ALK: variants seen among roughly 807,000 people sequenced by gnomAD.
The protein encoded by ALK is ALK tyrosine kinase receptor.
ALK carries 74 observed loss-of-function variants against 163.1 expected under a neutral mutation model. The ratio of observed to expected loss-of-function variants is 0.45; its 90% CI spans 0.38 to 0.55. The LOEUF is 0.55. Among genes scored for constraint, ALK ranks in the 20% least tolerant of loss-of-function variants. The pLI is 0.00. For missense variants in ALK, 2,063 were observed against 2,105.3 expected, an observed-to-expected ratio of 0.98 and a Z score of 0.39; for synonymous variants, 960 against 843.2, an observed-to-expected ratio of 1.14 and a Z score of -2.40.
At chr2:29,681,752 T>C (rs1381689089) in intron 3 of ALK, among the ~76,000 whole-genome samples, 2 of 143,196 alleles carry the variant, frequency 1.4e-5, no homozygotes, top group Non-Finnish European at 3.1e-5. Flanking sequence ...CCTGGGCATG[T>C]ACATTACCCC....
At chr2:29,625,330 A>C (rs1032210069) in intron 3 of ALK, among the ~76,000 whole-genome samples, 1 of 152,242 alleles carries the variant, frequency 6.6e-6, no homozygotes. Context: ...CATAAGTAGA[A>C]GAAAGGAGGA....
chr2:29,801,145 C>T (rs1169430880), intron 1 of ALK, among the ~76,000 whole-genome samples: 1 of 152,168 alleles, frequency 6.6e-6, no homozygotes, highest in Admixed American at 6.5e-5. Flanking sequence ...CCCTACCTAG[C>T]TGATGGAGGA....
At chr2:29,828,264 CT>C (rs1337782363) in intron 1 of ALK, among the ~76,000 whole-genome samples, 3 of 152,146 alleles carry the variant, frequency 2.0e-5, no homozygotes, top group Admixed American at 6.5e-5. Context: ...TGGGCAAGGA[CT>C]TCATGTCTAA....
chr2:29,704,056 A>G (rs916687443), intron 2 of ALK, among the ~76,000 whole-genome samples: 4 of 152,186 alleles, frequency 2.6e-5, no homozygotes, highest in African/African-American at 9.7e-5. Context: ...TCTTAATGGC[A>G]TAGGAAAATG....
chr2:29,627,464 T>C (rs1676229819), intron 3 of ALK, among the ~76,000 whole-genome samples: 2 of 151,710 alleles, frequency 1.3e-5, no homozygotes, highest in African/African-American at 2.4e-5. Flanking sequence ...TGAAGATGAT[T>C]ACTGTGTTTA....
chr2:29,660,533 G>T (rs529128965), intron 3 of ALK, among the ~76,000 whole-genome samples: 1 of 152,154 alleles, frequency 6.6e-6, no homozygotes, highest in South Asian at 2.1e-4. Flanking sequence ...CTTTTTTAAA[G>T]GAGGGGAGTG....
intron 8 of ALK, among the ~76,000 whole-genome samples, chr2:29,304,493 T>TAAAAAAAAAAAAAA (rs70958256): frequency 1.6e-5 from 2 of 125,386 alleles, no homozygotes; most frequent in South Asian, 2.7e-4. Context: ...AGACTGTGTC[T>TAAAAAAAAAAAAAA]AAAAAAAAAA....
At chr2:29,563,884 C>T (rs1045767077) in intron 3 of ALK, among the ~76,000 whole-genome samples, 1 of 152,176 alleles carries the variant, frequency 6.6e-6, no homozygotes, top group Non-Finnish European at 1.5e-5. Flanking sequence ...TGTGGCCTGA[C>T]CAAGGGCAAA....
chr2:29,688,966 A>G (rs960635712), intron 3 of ALK, among the ~76,000 whole-genome samples: 3 of 152,182 alleles, frequency 2.0e-5, no homozygotes, highest in African/African-American at 7.2e-5. Context: ...GGTGCAGAGC[A>G]GGGACAATGG....
rs78123471 is a variant in ALK at position 29,358,741 on chromosome 2, G to A, written c.1282+24991C>T. On this transcript the variant is annotated intron_variant, in intron 5 of 28. Transcript: ENST00000389048. ...GTGGTCTCAGTGAGGGGCAGGCACTGATATATTTTCTCCCATTTGGAATCA... is the reference window on the plus strand; with the variant it reads ...GTGGTCTCAGTGAGGGGCAGGCACTAATATATTTTCTCCCATTTGGAATCA... Among the ~76,000 whole-genome samples, 432 of 152,276 alleles carry A rather than the reference G, an allele frequency of 2.8e-3. 2 individuals are homozygous for A. Among genetic ancestry groups the A allele is most frequent in the African/African-American group, 9.8e-3 (407 of 41,554 alleles).
intron 4 of ALK, among the ~76,000 whole-genome samples, chr2:29,411,524 C>A (rs1325408108): frequency 6.6e-6 from 1 of 152,088 alleles, no homozygotes; most frequent in African/African-American, 2.4e-5. Context: ...GTTGCTCAGG[C>A]TGGCCTCTAA....
chr2:29,363,539 TACC>T (rs780050833), intron 5 of ALK, among the ~76,000 whole-genome samples: 66 of 152,340 alleles, frequency 4.3e-4, no homozygotes, highest in Admixed American at 1.3e-3. Flanking sequence ...CTTGCTGGAG[TACC>T]ACCACTTCTG....
chr2:29,527,167 A>T (rs571194766), intron 4 of ALK, among the ~76,000 whole-genome samples: 1 of 152,334 alleles, frequency 6.6e-6, no homozygotes, highest in African/African-American at 2.4e-5. Context: ...ACCATGCTGC[A>T]AATTAGCGGT....
At position 29,227,061 on chromosome 2, in the gene ALK, G is replaced by A. The variant is rs75895956; in HGVS notation, c.2928C>T (p.His976=). 356 of 1,613,896 alleles carry A rather than the reference G, an allele frequency of 2.2e-4. No homozygotes were observed. The highest frequency in any genetic ancestry group is 2.1e-4 in the Non-Finnish European group (252 of 1,180,006). Residue 976 remains histidine, a synonymous_variant, in exon 18 of 29, where the codon CAC becomes CAT. Coordinates refer to ENST00000389048, the MANE Select transcript of ALK (RefSeq NM_004304.5). The surrounding 1 kb of genome is among the most constrained non-coding windows in gnomAD (Gnocchi z 4.4). ...YTPALKVMEG[H]GEVNIKHYLN... is the part of the protein sequence containing the mutation. ...GATAATGCTTAATATTCACTTCCCC[G>A]TGGCCTTCCATCACTAGTGACAAGG...
intron 4 of ALK, among the ~76,000 whole-genome samples, chr2:29,411,327 C>T (rs1669719952): frequency 1.3e-5 from 2 of 152,076 alleles, no homozygotes. Flanking sequence ...AGCTGTCACT[C>T]TTTTCAGAAA....
intron 1 of ALK, among the ~76,000 whole-genome samples, chr2:29,827,947 C>CGGTATT (rs1362312218): frequency 2.0e-5 from 3 of 152,090 alleles, no homozygotes; most frequent in African/African-American, 7.2e-5. Flanking sequence ...CAAAACAGCA[C>CGGTATT]GGTACTGGTA....
At chr2:29,361,651 C>T (rs1014540960) in intron 5 of ALK, among the ~76,000 whole-genome samples, 27 of 152,144 alleles carry the variant, frequency 1.8e-4, no homozygotes, top group Admixed American at 1.4e-3. Flanking sequence ...CTGGGACAGG[C>T]GATCCCTGTG....
chr2:29,695,389 G>A (rs964352533), intron 2 of ALK, among the ~76,000 whole-genome samples: 6 of 152,166 alleles, frequency 3.9e-5, no homozygotes, highest in African/African-American at 1.4e-4. Context: ...GTCTGGCTCT[G>A]CTTTTACCAG....
chr2:29,824,754 G>T (rs1000748789), intron 1 of ALK, among the ~76,000 whole-genome samples: 1 of 152,184 alleles, frequency 6.6e-6, no homozygotes, highest in African/African-American at 2.4e-5. Context: ...TTACAGGCTC[G>T]TAGGCAGAAG....
Sources: gnomAD v4.1 joint callset for allele counts (sites outside exome capture counted in the v4.1 genomes callset) on GRCh38, gnomAD v4.1.1 for gene constraint, Gnocchi (gnomAD v3.1) non-coding constraint, MANE v1.5 for transcripts, NCBI Gene and HGNC (gene_info 2026-07-23, HGNC 2026-07-21) for gene names.